Variants in PDCD6 observed in about 807,000 individuals in gnomAD.
The protein encoded by PDCD6 is programmed cell death 6.
PDCD6 carries 12 observed loss-of-function variants against 28.3 expected under a neutral mutation model. The observed-to-expected ratio is 0.42, with a 90% CI of 0.27 to 0.69. The LOEUF (loss-of-function observed/expected upper bound fraction) is 0.69, where lower values mean the gene tolerates loss of function less well. Ranked by LOEUF, PDCD6 falls within the 30% of genes least tolerant of loss-of-function variation. PDCD6 has a pLI of 0.22. For synonymous variants in PDCD6, 92 were observed against 108.0 expected, an observed-to-expected ratio of 0.85 and a Z score of 0.92; for missense variants, 226 against 269.9, an observed-to-expected ratio of 0.84 and a Z score of 1.14.
At chr5:299,628 C>A (rs1219421906) in intron 2 of PDCD6, among the ~76,000 whole-genome samples, 1 of 151,860 alleles carries the variant, frequency 6.6e-6, no homozygotes, top group Non-Finnish European at 1.5e-5. Context: ...CAGCTCACTG[C>A]AAGCTCCACC....
rs1273134553 is a variant in PDCD6, at chr5:307,226, C to T, written c.367+466C>T. 8.5e-6 allele frequency among the ~76,000 whole-genome samples: 1 copy of T among 117,938 alleles called. No homozygotes were observed. Among genetic ancestry groups the T allele is most frequent in the Non-Finnish European group, 1.7e-5 (1 of 60,296 alleles). 77.4% of individuals were successfully genotyped at this position (117,938 alleles called of 152,430 possible). On this transcript the variant is annotated intron_variant, in intron 4 of 5. Transcript: ENST00000264933. This position sits in a 1 kb window ranked among gnomAD's most constrained non-coding sequence, Gnocchi z 6.1. ...ACGCGTGCCCATTCTCAGGTGTGCT[C>T]GGCGTGTGTGTGCTCGGCGTGTGTG...
rs1741165392 is a variant in PDCD6 at position 314,826 on chromosome 5, A to G, written c.*311A>G. 1 of 437,496 alleles carries G rather than the reference A, an allele frequency of 2.3e-6. No individual in the cohort carries two copies. The highest frequency in any genetic ancestry group is 4.7e-5 in the East Asian group (1 of 21,318). The allele number at this position is 437,496 out of a possible 1,614,324, so 27.1% of individuals were successfully genotyped here. On this transcript the variant is annotated 3_prime_UTR_variant, in exon 6 of 6. Transcript: ENST00000264933. ...CTTTTCTAGATGTCTCTGGTTCTAT[A>G]GTGCAAATGCTTTTATTAGCCAATA...
intron 2 of PDCD6, among the ~76,000 whole-genome samples, chr5:286,045 AGT>A (rs1738936733): frequency 9.6e-6 from 1 of 104,624 alleles, no homozygotes; most frequent in African/African-American, 3.9e-5. Context: ...AGACCCGGGG[AGT>A]GGGGGGAGCT....
At chr5:286,062 G>A (rs182874447) in intron 2 of PDCD6, among the ~76,000 whole-genome samples, 4 of 134,688 alleles carry the variant, frequency 3.0e-5, no homozygotes, top group Admixed American at 1.5e-4. Flanking sequence ...GGAGCTGATG[G>A]TGCAGTTTGA....
intron 2 of PDCD6, among the ~76,000 whole-genome samples, chr5:298,791 T>TC (rs1385681531): frequency 0.01 from 40 of 3,864 alleles, 12 homozygotes; most frequent in African/African-American, 0.087. Context: ...CCCCAGCTGC[T>TC]CCCCCAGCTG....
chr5:278,302 G>T (rs908102987), intron 2 of PDCD6, among the ~76,000 whole-genome samples: 3 of 152,050 alleles, frequency 2.0e-5, no homozygotes, highest in Non-Finnish European at 4.4e-5. Flanking sequence ...CTGGGGATAG[G>T]GTGATAAATG....
At chr5:313,467 GT>G (rs150288931) in intron 5 of PDCD6, among the ~76,000 whole-genome samples, 21 of 151,442 alleles carry the variant, frequency 1.4e-4, no homozygotes, top group Admixed American at 1.1e-3. Context: ...CTGCAGGGTT[GT>G]TTTTTTTTCT....
At position 272,838 on chromosome 5, in the gene PDCD6, G is replaced by T. The variant is rs756477974; in HGVS notation, c.163+66G>T. 8 of 1,549,882 alleles carry T rather than the reference G, an allele frequency of 5.2e-6. No individual in the cohort carries two copies. In the East Asian group the frequency reaches 1.1e-4, roughly 22 times the overall value. Reference sequence around the variant, plus strand: ...CCGCGAGCCTGCCCTGTTCACAGTGGATAACTTTCTGAAGTTGTTTTTCCA... The same window carrying T: ...CCGCGAGCCTGCCCTGTTCACAGTGTATAACTTTCTGAAGTTGTTTTTCCA... On this transcript the variant is annotated intron_variant, in intron 2 of 5. Transcript: ENST00000264933.
chr5:296,869 G>T (rs1739648711), intron 2 of PDCD6, among the ~76,000 whole-genome samples: 1 of 151,656 alleles, frequency 6.6e-6, no homozygotes, highest in South Asian at 2.1e-4. Flanking sequence ...CAGGGCAAGG[G>T]TCACCGGGAT....
rs531360019 is a variant in PDCD6 at position 303,039 on chromosome 5, C to A, written c.164-1138C>A. On this transcript the variant is annotated intron_variant, in intron 2 of 5. Coordinates refer to ENST00000264933, the MANE Select transcript of PDCD6 (RefSeq NM_013232.4). ...ACTTCTGGGCTGGGAGAATGTGGTACCCCCGTGGAAGTCTCCCTGAGGAAG... is the reference window on the plus strand; with the variant it reads ...ACTTCTGGGCTGGGAGAATGTGGTAACCCCGTGGAAGTCTCCCTGAGGAAG... Among the ~76,000 whole-genome samples, 5 of 152,224 alleles carry A rather than the reference C, an allele frequency of 3.3e-5. No homozygotes were observed. The South Asian group carries it at 6.2e-4, about 19-fold the overall frequency.
At chr5:300,770 A>T (rs1373507452) in intron 2 of PDCD6, among the ~76,000 whole-genome samples, 1 of 152,178 alleles carries the variant, frequency 6.6e-6, no homozygotes, top group Non-Finnish European at 1.5e-5. Context: ...AGACATCAGG[A>T]GTGTCCATCC....
At position 306,691 on chromosome 5, in the gene PDCD6, C is replaced by T. The variant is rs758565797; in HGVS notation, c.298C>T (p.Arg100Cys). Residue 100 changes from arginine (R) to cysteine (C), a missense_variant, in exon 4 of 6, where the codon CGC (arginine) becomes TGC (cysteine). Arg to Cys is a radical substitution (Grantham distance 180). Coordinates refer to ENST00000264933, the MANE Select transcript of PDCD6 (RefSeq NM_013232.4). Reference sequence around the variant, plus strand: ...CATCACGGACTGGCAGAACGTCTTCCGCACGTACGACCGGGACAACTCCGG... The same window carrying T: ...CATCACGGACTGGCAGAACGTCTTCTGCACGTACGACCGGGACAACTCCGG... ...KYITDWQNVF[R>C]TYDRDNSGMI... 212 of 1,613,952 alleles carry T rather than the reference C, an allele frequency of 1.3e-4. No homozygotes were observed. Among genetic ancestry groups the T allele is most frequent in the Non-Finnish European group, 1.1e-4 (135 of 1,180,024 alleles).
At chr5:297,592 A>G (rs1040082745) in intron 2 of PDCD6, among the ~76,000 whole-genome samples, 1 of 152,200 alleles carries the variant, frequency 6.6e-6, no homozygotes, top group African/African-American at 2.4e-5. Flanking sequence ...ACCAAATCAA[A>G]GCAATCGAGG....
intron 2 of PDCD6, among the ~76,000 whole-genome samples, chr5:279,438 G>T (rs1269185783): frequency 6.6e-6 from 1 of 152,198 alleles, no homozygotes; most frequent in Admixed American, 6.5e-5. Flanking sequence ...AATGAGAGGC[G>T]TGTGGAGCAG....
chr5:299,581 A>G (rs1413776613), intron 2 of PDCD6, among the ~76,000 whole-genome samples: 3 of 149,938 alleles, frequency 2.0e-5, no homozygotes, highest in East Asian at 2.0e-4. Context: ...ACAGAGTCTC[A>G]CTTTGTCGCC....
At chr5:272,425 C>T (rs1306280829) in intron 1 of PDCD6, among the ~76,000 whole-genome samples, 1 of 148,004 alleles carries the variant, frequency 6.8e-6, no homozygotes, top group Non-Finnish European at 1.5e-5. Flanking sequence ...GGAATCTTGT[C>T]TTGTCTGTGA....
chr5:285,471 C>T (rs1267548451), intron 2 of PDCD6, among the ~76,000 whole-genome samples: 3 of 137,612 alleles, frequency 2.2e-5, no homozygotes, highest in Non-Finnish European at 4.7e-5. Flanking sequence ...GGAGACCCGG[C>T]GGGGAGCTCA....
chr5:288,736 C>T, intron 2 of PDCD6: 1 of 532,646 alleles, frequency 1.9e-6, no homozygotes, highest in South Asian at 4.4e-5. Flanking sequence ...ACCTGCTTTT[C>T]TTGTAAAACT....
chr5:274,825 A>G (rs1561028356), intron 2 of PDCD6, among the ~76,000 whole-genome samples: 1 of 152,166 alleles, frequency 6.6e-6, no homozygotes, highest in Non-Finnish European at 1.5e-5. Context: ...CTCAAAGTGT[A>G]TATAGCTCTT....
Sources: gnomAD v4.1 joint callset for allele counts (sites outside exome capture counted in the v4.1 genomes callset) on GRCh38, gnomAD v4.1.1 for gene constraint, Gnocchi (gnomAD v3.1) non-coding constraint, MANE v1.5 for transcripts, NCBI Gene and HGNC (gene_info 2026-07-23, HGNC 2026-07-21) for gene names.